Variants in PKD1L3 observed in about 807,000 individuals in gnomAD.
PKD1L3 encodes the protein polycystin 1 like 3, transient receptor potential channel interacting.
PKD1L3 carries 239 observed loss-of-function variants against 184.1 expected under a neutral mutation model. The observed-to-expected ratio is 1.30, with a 90% CI of 1.17 to 1.45. The LOEUF (loss-of-function observed/expected upper bound fraction) is 1.45, where lower values mean the gene tolerates loss of function less well. Among genes scored for constraint, PKD1L3 ranks in the 40% most tolerant of loss-of-function variants. PKD1L3 has a pLI of 0.00. For missense variants in PKD1L3, 2,660 were observed against 2,067.2 expected, an observed-to-expected ratio of 1.29 and a Z score of -5.56; for synonymous variants, 996 against 778.8, an observed-to-expected ratio of 1.28 and a Z score of -4.64.
In PKD1L3 at chr16:71,977,294, A is replaced by G. The variant is rs1559400; in HGVS notation, c.1701T>C (p.Pro567=). 6.5e-7 allele frequency: 1 copy of G among 1,533,660 alleles called. No individual in the cohort carries two copies. The highest frequency in any genetic ancestry group is 2.0e-5 in the Admixed American group (1 of 50,932). The change falls in exon 11 of 30, where the codon CCT becomes CCC. Residue 567 remains proline (P), a synonymous_variant. Transcript: ENST00000620267. ...TGTTCAGGTGGAAGTGAGTGCAGTT[A>G]GGCTGATACTGGAACCCCAGGTAGA... ...MTLYLGFQYQ[P]NCTHFHLNIT...
At chr16:71,933,649 G>T (rs2038070714) in intron 27 of PKD1L3, 128 bp from the exon 28 acceptor site, 3 of 768,656 alleles carry the variant, frequency 3.9e-6, no homozygotes, top group Non-Finnish European at 4.4e-6. Flanking sequence ...TATGCCCAAA[G>T]AATACATAAA....
Position 71,999,869 on chromosome 16 carries a change from A to C in PKD1L3, c.110T>G (p.Leu37Arg). 9 of 1,551,774 alleles carry C rather than the reference A, an allele frequency of 5.8e-6. No homozygotes were observed. Among genetic ancestry groups the C allele is most frequent in the Non-Finnish European group, 7.8e-6 (9 of 1,147,014 alleles). Residue 37 changes from leucine (L) to arginine (R), a missense_variant, in exon 1 of 30, where the codon CTT becomes CGT. Leu to Arg is a moderately radical substitution (Grantham distance 102). Coordinates refer to ENST00000620267, the MANE Select transcript of PKD1L3 (RefSeq NM_181536.2). ...APHGQNNCYQ[L>R]NRFQCSFEEA... ...CTCAAAGCTGCATTGAAATCTGTTAAGCTGGTAACAATTATTTTGCCCATG... is the reference window on the plus strand; with the variant it reads ...CTCAAAGCTGCATTGAAATCTGTTACGCTGGTAACAATTATTTTGCCCATG...
chr16:71,944,553 C>T (rs2038486847), intron 22 of PKD1L3, among the ~76,000 whole-genome samples: 2 of 152,232 alleles, frequency 1.3e-5, no homozygotes, highest in East Asian at 1.9e-4. Context: ...CATAGTGGCT[C>T]ATGCCTGTGG....
chr16:71,949,567 G>T (rs1281120421), intron 21 of PKD1L3, among the ~76,000 whole-genome samples: 1 of 152,022 alleles, frequency 6.6e-6, no homozygotes, highest in South Asian at 2.1e-4. Context: ...TGCCCAGGCT[G>T]GTCTCGAACA....
rs550737949 is a variant in PKD1L3, at chr16:71,954,057, A to T, written c.2809+48T>A. 5.1e-5 allele frequency: 72 copies of T among 1,402,234 alleles called. No homozygotes were observed. In the East Asian group the frequency reaches 2.0e-3, roughly 38 times the overall value. The allele number at this position is 1,402,234 out of a possible 1,614,324, so 86.9% of individuals were successfully genotyped here. On this transcript the variant is annotated intron_variant, in intron 17 of 29. Transcript: ENST00000620267. ...AGAGCAAGACCCTGTCTCAAAAAAA[A>T]AAAAGGATTGCTTACTACAAACAAC...
At chr16:71,990,355 G>A in intron 3 of PKD1L3, 26 bp from the exon 4 acceptor site, 1 of 1,521,756 alleles carries the variant, frequency 6.6e-7, no homozygotes, top group Non-Finnish European at 8.9e-7. Flanking sequence ...AGCAGACTAA[G>A]TTCAAGTAAA....
chr16:71,982,236 C>T lies in PKD1L3; in HGVS notation c.967-1G>A, dbSNP rs568995109. On this transcript the variant is annotated splice_acceptor_variant, in intron 6 of 29. Transcript: ENST00000620267. LOFTEE classifies it high-confidence loss of function. ...AAATAAGGGAATTGATGAGATTAAC[C>T]TGGGAGGATTAGAAAGCAAACATAC... 1 of 1,493,388 alleles carries T rather than the reference C, an allele frequency of 6.7e-7. No individual in the cohort carries two copies. The highest frequency in any genetic ancestry group is 1.3e-5 in the South Asian group (1 of 77,930). 92.5% of individuals were successfully genotyped at this position (1,493,388 alleles called of 1,614,324 possible).
At chr16:71,985,145 A>T in intron 5 of PKD1L3, among the ~76,000 whole-genome samples, 1 of 152,336 alleles carries the variant, frequency 6.6e-6, no homozygotes. Context: ...AATATTTCTA[A>T]TAATTTATTA....
At chr16:71,936,725 C>A (rs552911775) in intron 25 of PKD1L3, among the ~76,000 whole-genome samples, 2 of 151,962 alleles carry the variant, frequency 1.3e-5, no homozygotes, top group African/African-American at 4.8e-5. Flanking sequence ...TCAGGTAATC[C>A]GCCTGCCTCG....
chr16:71,944,042 C>T lies in PKD1L3; in HGVS notation c.3847G>A (p.Gly1283Arg). The T allele has an allele frequency of 1.3e-6, 2 of 1,551,536 alleles. No individual in the cohort carries two copies. The highest frequency in any genetic ancestry group is 2.4e-5 in the South Asian group (2 of 83,952). ...LKKKKLFKLT[G>R]DILVQILFLT... Reference sequence around the variant, plus strand: ...TTCCTCTCCATACCCAAAATATCTCCAGTCAGCTTGAAGAGTTTCTTCTTT... The same window carrying T: ...TTCCTCTCCATACCCAAAATATCTCTAGTCAGCTTGAAGAGTTTCTTCTTT... The change falls in exon 23 of 30, where the codon GGA (glycine) becomes AGA (arginine). Residue 1283 changes from glycine (G) to arginine (R), a missense_variant. Coordinates refer to ENST00000620267, the MANE Select transcript of PKD1L3 (RefSeq NM_181536.2).
Position 71,982,099 on chromosome 16 carries a change from C to A in PKD1L3, c.1103G>T (p.Gly368Val), listed in dbSNP as rs937633340. 1 of 1,550,896 alleles carries A rather than the reference C, an allele frequency of 6.4e-7. No homozygotes were observed. The highest frequency in any genetic ancestry group is 2.4e-5 in the East Asian group (1 of 40,910). ...CTTGGATTCCAGCCAACTTCCTTCT[C>A]CAGCTTTGGTGACATTGTTGAGGGA... is the stretch of plus-strand genomic sequence containing the variant. Reference protein sequence around the residue: ...FHSLNNVTKAGEGSWLESKRH... With the variant: ...FHSLNNVTKAVEGSWLESKRH... The change falls in exon 7 of 30, where the codon GGA becomes GTA. Residue 368 changes from glycine (G) to valine (V), a missense_variant. Transcript: ENST00000620267.
chr16:71,955,653 T>G (rs1047730725), intron 16 of PKD1L3, among the ~76,000 whole-genome samples: 1 of 152,006 alleles, frequency 6.6e-6, no homozygotes, highest in Non-Finnish European at 1.5e-5. Flanking sequence ...AGGGCTTAGC[T>G]GTATCCCCAC....
intron 22 of PKD1L3, among the ~76,000 whole-genome samples, chr16:71,944,645 G>C (rs1187814626): frequency 6.6e-6 from 1 of 151,992 alleles, no homozygotes; most frequent in Non-Finnish European, 1.5e-5. Flanking sequence ...CAGATAGTTT[G>C]AGCTCAGGAG....
At chr16:71,968,083 A>T in intron 13 of PKD1L3, 76 bp from the exon 14 acceptor site, 1 of 1,208,878 alleles carries the variant, frequency 8.3e-7, no homozygotes, top group Non-Finnish European at 1.2e-6. Context: ...GCTGAGGAGC[A>T]GGAGGATGAA....
chr16:71,954,668 T>C (rs953231271), intron 16 of PKD1L3, among the ~76,000 whole-genome samples: 2 of 152,226 alleles, frequency 1.3e-5, no homozygotes, highest in Non-Finnish European at 2.9e-5. Flanking sequence ...ATTCATACTC[T>C]GAGCACTTTC....
intron 1 of PKD1L3, 48 bp downstream of exon 1, chr16:71,999,635 TA>T: frequency 7.3e-7 from 1 of 1,370,298 alleles, no homozygotes. Flanking sequence ...TGTCCCAGAA[TA>T]AAATATAAGG....
At position 71,979,777 on chromosome 16, in the gene PKD1L3, C is replaced by T. The variant is rs1197802125; in HGVS notation, c.1398+9G>A. 8.1e-6 allele frequency: 12 copies of T among 1,486,528 alleles called. No homozygotes were observed. Among genetic ancestry groups the T allele is most frequent in the Non-Finnish European group, 9.8e-6 (11 of 1,121,754 alleles). The allele number at this position is 1,486,528 out of a possible 1,614,324, so 92.1% of individuals were successfully genotyped here. A position where few individuals can be genotyped will look rare whatever the true frequency, so the allele number is the denominator to read the frequency against. ...TTTTCATTCTGATCACAATCAATTT[C>T]ACACTCACTTGGACATTAACTCCTG... is the stretch of plus-strand genomic sequence containing the variant. On this transcript the variant is annotated intron_variant, in intron 9 of 29. Coordinates refer to ENST00000620267, the MANE Select transcript of PKD1L3 (RefSeq NM_181536.2).
chr16:71,944,119 T>C lies in PKD1L3; in HGVS notation c.3770A>G (p.Tyr1257Cys), dbSNP rs774831653. The change falls in exon 23 of 30, where the codon TAT (tyrosine) becomes TGT (cysteine). Residue 1257 changes from tyrosine to cysteine, a missense_variant. Physicochemically the swap from Tyr to Cys is radical, Grantham distance 194 (BLOSUM62 -2). Transcript: ENST00000620267. The stretch of plus-strand genomic sequence containing the variant: ...TGGACTATTTATAGCTGGGGCTACA[T>C]AGACGGGGTTGTTCTTATCTCTTGA... ...PGSRDKNNPV[Y>C]VAPAINSPTK... is the part of the protein sequence containing the mutation. 3 of 1,551,574 alleles carry C rather than the reference T, an allele frequency of 1.9e-6. No homozygotes were observed. Among genetic ancestry groups the C allele is most frequent in the East Asian group, 2.4e-5 (1 of 40,896 alleles).
chr16:71,976,153 G>T (rs78537616), intron 11 of PKD1L3, among the ~76,000 whole-genome samples: 2,619 of 151,686 alleles, frequency 0.017, 74 homozygotes, highest in African/African-American at 0.057. Flanking sequence ...TCACCGTGTG[G>T]GCCAGCGTAG....
Sources: gnomAD v4.1 joint callset for allele counts (sites outside exome capture counted in the v4.1 genomes callset) on GRCh38, gnomAD v4.1.1 for gene constraint, MANE v1.5 for transcripts, NCBI Gene and HGNC (gene_info 2026-07-23, HGNC 2026-07-21) for gene names.